The following FBXL7 variants were observed in gnomAD, a reference collection of about 807,000 sequenced individuals.
The protein encoded by FBXL7 is F-box and leucine rich repeat protein 7.
In FBXL7, 12 loss-of-function variants were observed where a neutral mutation model predicts 38.3. That is an observed-to-expected ratio of 0.31 (90% CI 0.20 to 0.51). The LOEUF (loss-of-function observed/expected upper bound fraction) is 0.51. Ranked by LOEUF, FBXL7 falls within the 20% of genes least tolerant of loss-of-function variation. The pLI, the probability that FBXL7 is intolerant of heterozygous loss-of-function variation, is 0.98. For missense variants in FBXL7, 567 were observed against 676.4 expected (o/e 0.84, Z 1.79); for synonymous variants, 297 against 300.9 (o/e 0.99, Z 0.13).
At chr5:15,526,460 GC>G (rs780260581) in intron 1 of FBXL7, among the ~76,000 whole-genome samples, 5 of 152,286 alleles carry the variant, frequency 3.3e-5, no homozygotes, top group South Asian at 4.1e-4. Flanking sequence ...TCTTTCGGTT[GC>G]CCTTAAAGCT....
intron 1 of FBXL7, among the ~76,000 whole-genome samples, chr5:15,591,156 G>A (rs972356843): frequency 6.6e-5 from 10 of 151,624 alleles, no homozygotes; most frequent in East Asian, 1.9e-4. Flanking sequence ...TAGGCCAGGC[G>A]CAGTGGCTCA....
At chr5:15,814,075 A>G in intron 2 of FBXL7, among the ~76,000 whole-genome samples, 1 of 152,152 alleles carries the variant, frequency 6.6e-6, no homozygotes, top group Non-Finnish European at 1.5e-5. Flanking sequence ...TCCCTTTACT[A>G]GGTATATACC....
chr5:15,592,003 C>A (rs544141960), intron 1 of FBXL7, among the ~76,000 whole-genome samples: 190 of 152,254 alleles, frequency 1.2e-3, no homozygotes, highest in Non-Finnish European at 2.1e-3. Flanking sequence ...AGCCACCGTG[C>A]CCGAGGTTGG....
intron 2 of FBXL7, among the ~76,000 whole-genome samples, chr5:15,827,440 T>C (rs1160631100): frequency 6.6e-6 from 1 of 152,192 alleles, no homozygotes; most frequent in Non-Finnish European, 1.5e-5. Flanking sequence ...TTAGTTGACT[T>C]TGTTCTTCTA....
Position 15,637,826 on chromosome 5 carries a change from T to G in FBXL7, c.127+21754T>G, listed in dbSNP as rs546972047. Reference sequence around the variant, plus strand: ...ATAGTAGAGATCTATGATTTAAAATTGCAGCCCAGCAAAAGCGATGTCATA... The same window carrying G: ...ATAGTAGAGATCTATGATTTAAAATGGCAGCCCAGCAAAAGCGATGTCATA... On this transcript the variant is annotated intron_variant, in intron 2 of 3. Transcript: ENST00000504595. Among the ~76,000 whole-genome samples the G allele has an allele frequency of 7.2e-4, 110 of 152,324 alleles. 1 individual carries two copies. The highest frequency in any genetic ancestry group is 1.2e-3 in the South Asian group (6 of 4,822).
intron 1 of FBXL7, among the ~76,000 whole-genome samples, chr5:15,532,046 T>G (rs1006077732): frequency 6.6e-6 from 1 of 152,254 alleles, no homozygotes; most frequent in Non-Finnish European, 1.5e-5. Context: ...TCACATGTTA[T>G]GTATAAAATG....
At chr5:15,661,179 CAA>C (rs1742055844) in intron 2 of FBXL7, among the ~76,000 whole-genome samples, 1 of 152,056 alleles carries the variant, frequency 6.6e-6, no homozygotes, top group African/African-American at 2.4e-5. Context: ...TAGGATGACA[CAA>C]ATTCAAATTC....
chr5:15,787,814 C>T (rs1435320839), intron 2 of FBXL7, among the ~76,000 whole-genome samples: 1 of 152,078 alleles, frequency 6.6e-6, no homozygotes, highest in Non-Finnish European at 1.5e-5. Context: ...AACATGTGGT[C>T]GTTTCTATTT....
At chr5:15,732,850 G>C (rs1040735635) in intron 2 of FBXL7, among the ~76,000 whole-genome samples, 7 of 152,178 alleles carry the variant, frequency 4.6e-5, no homozygotes, top group African/African-American at 1.7e-4. Context: ...GGGCAGAAGA[G>C]CTTTGCACCT....
At chr5:15,594,987 C>T (rs1338987372) in intron 1 of FBXL7, among the ~76,000 whole-genome samples, 1 of 151,134 alleles carries the variant, frequency 6.6e-6, no homozygotes, top group East Asian at 1.9e-4. Context: ...AAGAGGTTCA[C>T]CCTGACCTTT....
intron 2 of FBXL7, among the ~76,000 whole-genome samples, chr5:15,741,536 A>G (rs1735893586): frequency 6.6e-6 from 1 of 152,198 alleles, no homozygotes; most frequent in African/African-American, 2.4e-5. Context: ...TAGGAGATTG[A>G]AAGATTCTTC....
At chr5:15,631,197 T>A (rs930912107) in intron 2 of FBXL7, among the ~76,000 whole-genome samples, 3 of 152,190 alleles carry the variant, frequency 2.0e-5, no homozygotes, top group African/African-American at 7.2e-5. Context: ...AAATCCAACA[T>A]CTCTAAGTAC....
chr5:15,665,501 G>T (rs1212705433), intron 2 of FBXL7, among the ~76,000 whole-genome samples: 1 of 152,102 alleles, frequency 6.6e-6, no homozygotes, highest in Non-Finnish European at 1.5e-5. Flanking sequence ...CTTAGATGGG[G>T]TTTACAATTT....
chr5:15,861,234 G>A (rs1739460461), intron 2 of FBXL7, among the ~76,000 whole-genome samples: 1 of 152,146 alleles, frequency 6.6e-6, no homozygotes, highest in African/African-American at 2.4e-5. Flanking sequence ...CCCAAGGATG[G>A]CTGCCTCACA....
At chr5:15,656,126 G>A (rs1741874088) in intron 2 of FBXL7, among the ~76,000 whole-genome samples, 1 of 152,062 alleles carries the variant, frequency 6.6e-6, no homozygotes, top group Admixed American at 6.6e-5. Flanking sequence ...TTTAGCTCTT[G>A]GTTTGCAATA....
At chr5:15,917,984 A>G (rs1741643647) in intron 2 of FBXL7, among the ~76,000 whole-genome samples, 1 of 152,172 alleles carries the variant, frequency 6.6e-6, no homozygotes, top group African/African-American at 2.4e-5. Flanking sequence ...CATGCCTGTA[A>G]TCCCAGCACT....
chr5:15,862,854 T>C (rs998853613), intron 2 of FBXL7, among the ~76,000 whole-genome samples: 1 of 152,178 alleles, frequency 6.6e-6, no homozygotes, highest in African/African-American at 2.4e-5. Context: ...GCCTCGTCCT[T>C]ACTGACGTGG....
At chr5:15,556,903 A>G (rs1310789434) in intron 1 of FBXL7, among the ~76,000 whole-genome samples, 1 of 152,232 alleles carries the variant, frequency 6.6e-6, no homozygotes. Context: ...TTTTAAAGCC[A>G]GAACCAATCA....
chr5:15,594,604 C>T (rs1489058653), intron 1 of FBXL7, among the ~76,000 whole-genome samples: 2 of 152,142 alleles, frequency 1.3e-5, no homozygotes, highest in Admixed American at 1.3e-4. Context: ...ATTGGAGCTG[C>T]AGTACGGCTT....
Sources: gnomAD v4.1 joint callset for allele counts (sites outside exome capture counted in the v4.1 genomes callset) on GRCh38, gnomAD v4.1.1 for gene constraint, MANE v1.5 for transcripts, NCBI Gene and HGNC (gene_info 2026-07-23, HGNC 2026-07-21) for gene names.